RORA: variants seen among roughly 807,000 people sequenced by gnomAD.
The protein encoded by RORA is nuclear receptor ROR-alpha.
A neutral mutation model predicts 69.5 loss-of-function variants in RORA; 7 were observed. That is an observed-to-expected ratio of 0.10 (90% CI 0.06 to 0.19). RORA has a LOEUF of 0.19. Among genes scored for constraint, RORA ranks in the 10% least tolerant of loss-of-function variants. The pLI is 1.00. For missense variants in RORA, 457 were observed against 663.0 expected, an observed-to-expected ratio of 0.69 and a Z score of 3.41; for synonymous variants, 261 against 240.8, an observed-to-expected ratio of 1.08 and a Z score of -0.78.
At chr15:61,058,115 G>A (rs2078120898) in intron 1 of RORA, among the ~76,000 whole-genome samples, 1 of 152,184 alleles carries the variant, frequency 6.6e-6, no homozygotes, top group African/African-American at 2.4e-5. Context: ...ACTGTGATGA[G>A]GGCAGGGGGT....
At chr15:60,844,275 C>G (rs903795370) in intron 1 of RORA, among the ~76,000 whole-genome samples, 1 of 152,074 alleles carries the variant, frequency 6.6e-6, no homozygotes, top group African/African-American at 2.4e-5. Flanking sequence ...ATCTTTGTAC[C>G]CTGGGTTGTC....
chr15:61,059,777 T>C (rs575402296), intron 1 of RORA, among the ~76,000 whole-genome samples: 69 of 152,178 alleles, frequency 4.5e-4, no homozygotes, highest in African/African-American at 1.6e-3. Context: ...GACAGTGAAT[T>C]CAAAGTTCCC....
intron 1 of RORA, among the ~76,000 whole-genome samples, chr15:61,034,431 G>T (rs76426063): frequency 0.094 from 14,358 of 152,078 alleles, 738 homozygotes; most frequent in African/African-American, 0.14. Flanking sequence ...CTTTCTAATT[G>T]TTTAACTGAT....
chr15:61,004,908 G>GAT (rs1365695586), intron 1 of RORA, among the ~76,000 whole-genome samples: 23 of 152,204 alleles, frequency 1.5e-4, no homozygotes, highest in Non-Finnish European at 3.1e-4. Flanking sequence ...TACCAATGTT[G>GAT]ATGAAGGTTT....
intron 2 of RORA, among the ~76,000 whole-genome samples, chr15:60,635,005 C>A (rs1626185): frequency 0.038 from 5,716 of 152,258 alleles, 375 homozygotes; most frequent in African/African-American, 0.13. Context: ...CAGAGCCCTG[C>A]AGATACCTTT....
intron 1 of RORA, among the ~76,000 whole-genome samples, chr15:61,132,107 A>G (rs1463744868): frequency 6.6e-6 from 1 of 152,206 alleles, no homozygotes. Context: ...TTGCTCACTA[A>G]TCTATCTATT....
chr15:60,697,149 C>T (rs71395156), intron 1 of RORA, among the ~76,000 whole-genome samples: 1 of 152,048 alleles, frequency 6.6e-6, no homozygotes, highest in Non-Finnish European at 1.5e-5. Flanking sequence ...ATACACAGGG[C>T]GAGAGATTTT....
intron 1 of RORA, among the ~76,000 whole-genome samples, chr15:61,094,915 G>T (rs535549803): frequency 1.3e-5 from 2 of 152,332 alleles, no homozygotes; most frequent in South Asian, 4.1e-4. Context: ...ACTGGAGCGG[G>T]TTTCACCAGG....
chr15:60,721,228 A>G (rs1301559204), intron 1 of RORA, among the ~76,000 whole-genome samples: 1 of 152,220 alleles, frequency 6.6e-6, no homozygotes, highest in African/African-American at 2.4e-5. Context: ...AAATGACCTC[A>G]TTAAGCTGCA....
chr15:60,693,738 GGA>G (rs1470303048), intron 1 of RORA, among the ~76,000 whole-genome samples: 1 of 152,098 alleles, frequency 6.6e-6, no homozygotes, highest in African/African-American at 2.4e-5. Context: ...TCTAAGAAGG[GGA>G]GTGAAGGGCC....
chr15:60,849,770 G>A (rs2073304523), intron 1 of RORA, among the ~76,000 whole-genome samples: 1 of 152,202 alleles, frequency 6.6e-6, no homozygotes, highest in South Asian at 2.1e-4. Context: ...GAAGAAACAT[G>A]TACACAAGGA....
At chr15:60,522,021 G>A (rs1328530493) in intron 3 of RORA, among the ~76,000 whole-genome samples, 2 of 152,164 alleles carry the variant, frequency 1.3e-5, no homozygotes, top group African/African-American at 4.8e-5. Context: ...TTAGATGGGC[G>A]CTTGGCAAAC....
intron 1 of RORA, among the ~76,000 whole-genome samples, chr15:60,873,233 GTGTGTGTGTGTGTGTC>G (rs150102755): frequency 0.33 from 44,801 of 134,682 alleles, 6,752 homozygotes; most frequent in South Asian, 0.39. Flanking sequence ...TCGTGTGTGT[GTGTGTGTGTGTGTGTC>G]TGTGTGTGTG....
In RORA at chr15:60,496,515, T is replaced by A. The variant is rs1050394909; in HGVS notation, c.*940A>T. Reference sequence around the variant, plus strand: ...CACGCCAATCAATCATTCAACTTTGTATGAAGCATAAACACATCTATCATT... The same window carrying A: ...CACGCCAATCAATCATTCAACTTTGAATGAAGCATAAACACATCTATCATT... On this transcript the variant is annotated 3_prime_UTR_variant, in exon 11 of 11. Transcript: ENST00000335670. This position sits in a 1 kb window ranked among gnomAD's most constrained non-coding sequence, Gnocchi z 4.5. 6 of 152,162 alleles carry A rather than the reference T, an allele frequency of 3.9e-5. No homozygotes were observed. Among genetic ancestry groups the A allele is most frequent in the Non-Finnish European group, 7.3e-5 (5 of 68,028 alleles). 9.4% of individuals were successfully genotyped at this position (152,162 alleles called of 1,614,324 possible). A position where few individuals can be genotyped will look rare whatever the true frequency, so the allele number is the denominator to read the frequency against.
intron 1 of RORA, among the ~76,000 whole-genome samples, chr15:60,790,241 T>G (rs182445680): frequency 5.3e-5 from 8 of 152,310 alleles, no homozygotes; most frequent in Admixed American, 2.0e-4. Context: ...AACCAGAGAG[T>G]CGAATTTCTC....
intron 2 of RORA, among the ~76,000 whole-genome samples, chr15:60,654,426 A>G (rs964795949): frequency 5.9e-5 from 9 of 152,218 alleles, no homozygotes; most frequent in Admixed American, 5.2e-4. Context: ...CAAGCAAGCA[A>G]ACAGAAACCC....
At chr15:61,174,595 T>C (rs1259526481) in intron 1 of RORA, among the ~76,000 whole-genome samples, 1 of 152,182 alleles carries the variant, frequency 6.6e-6, no homozygotes, top group Non-Finnish European at 1.5e-5. Flanking sequence ...TGTCATAAAT[T>C]CTGACAAAAT....
At chr15:60,792,758 A>G (rs2072435413) in intron 1 of RORA, among the ~76,000 whole-genome samples, 1 of 152,228 alleles carries the variant, frequency 6.6e-6, no homozygotes, top group South Asian at 2.1e-4. Flanking sequence ...GATCTGTACT[A>G]AAAGAACTGG....
intron 2 of RORA, among the ~76,000 whole-genome samples, chr15:60,548,125 C>T (rs1379945836): frequency 6.6e-6 from 1 of 152,184 alleles, no homozygotes; most frequent in Admixed American, 6.5e-5. Flanking sequence ...TACCCCTACA[C>T]AGAAATTAGA....
Sources: gnomAD v4.1 joint callset for allele counts (sites outside exome capture counted in the v4.1 genomes callset) on GRCh38, gnomAD v4.1.1 for gene constraint, Gnocchi (gnomAD v3.1) non-coding constraint, MANE v1.5 for transcripts, NCBI Gene and HGNC (gene_info 2026-07-23, HGNC 2026-07-21) for gene names.